The following CDCA2 variants were observed in gnomAD, a reference collection of about 807,000 sequenced individuals.
CDCA2 encodes cell division cycle-associated protein 2.
A neutral mutation model predicts 67.0 loss-of-function variants in CDCA2; 44 were observed. That is an observed-to-expected ratio of 0.66 (90% CI 0.52 to 0.84). The LOEUF is 0.84. Among genes scored for constraint, CDCA2 ranks in the 40% least tolerant of loss-of-function variants. CDCA2 has a pLI of 0.00. For missense variants in CDCA2, 1,253 were observed against 1,203.2 expected, an observed-to-expected ratio of 1.04 and a Z score of -0.61; for synonymous variants, 447 against 418.7, an observed-to-expected ratio of 1.07 and a Z score of -0.82.
At chr8:25,484,858 AG>A (rs1803707452) in intron 10 of CDCA2, among the ~76,000 whole-genome samples, 2 of 152,210 alleles carry the variant, frequency 1.3e-5, no homozygotes, top group Admixed American at 1.3e-4. Flanking sequence ...TTGAAGGGGT[AG>A]GTTAATTGAT....
At chr8:25,483,303 C>A in intron 8 of CDCA2, 96 bp from the exon 9 acceptor site, 2 of 633,788 alleles carry the variant, frequency 3.2e-6, no homozygotes, top group East Asian at 3.1e-5. Flanking sequence ...GAATATCTAT[C>A]TGCAGTTGAC....
intron 8 of CDCA2, among the ~76,000 whole-genome samples, chr8:25,482,785 G>A (rs973491083): frequency 3.9e-5 from 6 of 152,180 alleles, no homozygotes; most frequent in Non-Finnish European, 8.8e-5. Context: ...TAGGAGAATG[G>A]CTTGAACCTG....
chr8:25,470,906 C>T (rs1230783404), intron 7 of CDCA2, among the ~76,000 whole-genome samples: 2 of 151,978 alleles, frequency 1.3e-5, no homozygotes, highest in Admixed American at 6.6e-5. Flanking sequence ...GGATTACAGG[C>T]GTGCACCACC....
intron 7 of CDCA2, among the ~76,000 whole-genome samples, chr8:25,475,259 G>A (rs942792881): frequency 3.9e-5 from 6 of 152,174 alleles, no homozygotes; most frequent in East Asian, 1.9e-4. Flanking sequence ...AGTGGCTCAC[G>A]CCTGTAATCC....
At chr8:25,506,245 C>T (rs1259637390) in intron 14 of CDCA2, among the ~76,000 whole-genome samples, 2 of 152,178 alleles carry the variant, frequency 1.3e-5, no homozygotes, top group African/African-American at 4.8e-5. Flanking sequence ...GAAGCTGTTT[C>T]AGATGCTGTT....
chr8:25,499,188 G>T (rs1229215050), intron 13 of CDCA2, among the ~76,000 whole-genome samples: 1 of 151,824 alleles, frequency 6.6e-6, no homozygotes, highest in Non-Finnish European at 1.5e-5. Context: ...CTAACTGCAA[G>T]AGCTAAAAGT....
chr8:25,474,408 G>A (rs1266416106), intron 7 of CDCA2, among the ~76,000 whole-genome samples: 2 of 152,074 alleles, frequency 1.3e-5, no homozygotes, highest in Non-Finnish European at 2.9e-5. Context: ...TCTGGTCCTG[G>A]GCTTTTCTTT....
chr8:25,484,589 ATT>A (rs35499692), intron 10 of CDCA2, among the ~76,000 whole-genome samples: 9,245 of 130,668 alleles, frequency 0.071, 364 homozygotes, highest in South Asian at 0.19. Flanking sequence ...GGTATAGATG[ATT>A]TTTTTTTTTT....
intron 13 of CDCA2, among the ~76,000 whole-genome samples, chr8:25,492,588 C>A (rs1804054878): frequency 6.6e-6 from 1 of 152,128 alleles, no homozygotes; most frequent in East Asian, 1.9e-4. Flanking sequence ...ACTGTGATTT[C>A]AAGCAATAAT....
Position 25,506,757 on chromosome 8 carries a change from G to C in CDCA2, c.2091G>C (p.Lys697Asn). The C allele has an allele frequency of 3.7e-6, 6 of 1,613,362 alleles. No individual in the cohort carries two copies. Among genetic ancestry groups the C allele is most frequent in the Non-Finnish European group, 5.1e-6 (6 of 1,179,888 alleles). The change falls in exon 15 of 15, where the codon AAG (lysine) becomes AAC (asparagine). Residue 697 changes from lysine (K) to asparagine (N), a missense_variant. Transcript: ENST00000330560. The part of the protein sequence containing the change: ...ENKNIPKAKN[K>N]SESENEPKAG... ...AAAATATTCCAAAAGCAAAAAATAA[G>C]TCAGAAAGTGAAAATGAACCAAAAG...
intron 1 of CDCA2, 129 bp from the exon 2 acceptor site, chr8:25,460,111 G>T: frequency 1.2e-6 from 1 of 823,310 alleles, no homozygotes; most frequent in Non-Finnish European, 2.0e-6. Context: ...AATAAAAAAT[G>T]AAACCTGTGA....
At chr8:25,477,591 AC>A in intron 7 of CDCA2, among the ~76,000 whole-genome samples, 1 of 152,274 alleles carries the variant, frequency 6.6e-6, no homozygotes, top group African/African-American at 2.4e-5. Context: ...GTAATCTGAA[AC>A]ACTTCTGATC....
intron 13 of CDCA2, among the ~76,000 whole-genome samples, chr8:25,490,022 G>A (rs1803939976): frequency 6.6e-6 from 1 of 152,088 alleles, no homozygotes; most frequent in African/African-American, 2.4e-5. Context: ...GCTTTTCTTG[G>A]TTGAGTAGCA....
At chr8:25,491,982 A>G (rs906171914) in intron 13 of CDCA2, among the ~76,000 whole-genome samples, 2 of 149,556 alleles carry the variant, frequency 1.3e-5, no homozygotes, top group African/African-American at 5.0e-5. Flanking sequence ...ATTTTTAGTA[A>G]AGACGGGGTT....
chr8:25,463,270 C>T (rs1258402535), intron 4 of CDCA2, among the ~76,000 whole-genome samples: 1 of 151,932 alleles, frequency 6.6e-6, no homozygotes, highest in Admixed American at 6.6e-5. Flanking sequence ...TTTATACATC[C>T]CCCTAAAAAG....
rs1803752394 is a variant in CDCA2 at position 25,485,782 on chromosome 8, A to G, written c.1389A>G (p.Val463=). 2 of 1,607,238 alleles carry G rather than the reference A, an allele frequency of 1.2e-6. No individual in the cohort carries two copies. The highest frequency in any genetic ancestry group is 1.7e-4 in the Middle Eastern group (1 of 6,052). The change falls in exon 11 of 15, where the codon GTA becomes GTG. Residue 463 remains valine (V), a synonymous_variant. Transcript: ENST00000330560. ...ENLENIEPLQ[V]SFAVLSSPNK... Reference sequence around the variant, plus strand: ...AGGAAAACATAGAACCACTTCAAGTATCATTTGCCGTTCTCAGTTCTCCTA... The same window carrying G: ...AGGAAAACATAGAACCACTTCAAGTGTCATTTGCCGTTCTCAGTTCTCCTA...
At position 25,468,264 on chromosome 8, in the gene CDCA2, G is replaced by A. The variant is rs781768717; in HGVS notation, c.586G>A (p.Val196Met). 5.6e-6 allele frequency: 9 copies of A among 1,613,840 alleles called. No individual in the cohort carries two copies. Among genetic ancestry groups the A allele is most frequent in the African/African-American group, 1.3e-5 (1 of 74,908 alleles). The change falls in exon 6 of 15, where the codon GTG becomes ATG. Residue 196 changes from valine (V) to methionine (M), a missense_variant. Val to Met is a conservative substitution (Grantham distance 21). Coordinates refer to ENST00000330560, the MANE Select transcript of CDCA2 (RefSeq NM_152562.4). ...SACQQSGFPA[V>M]LSSKRRRISY... is the part of the protein sequence containing the mutation. ...TTGCCAGCAGTCTGGGTTCCCTGCA[G>A]TGTTGTCCTCCAAACGTCGGAGAAT... is the stretch of plus-strand genomic sequence containing the variant.
rs1804548851 is a variant in CDCA2 at position 25,503,393 on chromosome 8, G to C, written c.1692G>C (p.Lys564Asn). ...KKSQVLKSCR[K>N]KKGKGKKSVQ... ...CTCAGGTTTTAAAAAGTTGCAGAAA[G>C]AAGAAAGGAAAGGGAAAGAAAAGTG... The change falls in exon 14 of 15, where the codon AAG (lysine) becomes AAC (asparagine). Residue 564 changes from lysine to asparagine, a missense_variant. Physicochemically the swap from Lys to Asn is moderately conservative, Grantham distance 94 (BLOSUM62 0). Transcript: ENST00000330560. 6.2e-7 allele frequency: 1 copy of C among 1,613,840 alleles called. No individual in the cohort carries two copies. The highest frequency in any genetic ancestry group is 1.1e-5 in the South Asian group (1 of 91,074).
At chr8:25,504,942 T>G (rs1341929632) in intron 14 of CDCA2, among the ~76,000 whole-genome samples, 1 of 152,216 alleles carries the variant, frequency 6.6e-6, no homozygotes, top group Non-Finnish European at 1.5e-5. Context: ...TTCTTAACAG[T>G]TTTTCAAAAG....
Sources: allele counts gnomAD v4.1 joint callset (sites outside exome capture counted in the v4.1 genomes callset), GRCh38; gene constraint gnomAD v4.1.1; transcripts MANE v1.5; gene names NCBI Gene and HGNC (gene_info 2026-07-23, HGNC 2026-07-21).